The following TM9SF2 variants were observed in gnomAD, a reference collection of about 807,000 sequenced individuals.
The protein encoded by TM9SF2 is transmembrane 9 superfamily member 2.
A neutral mutation model predicts 84.9 loss-of-function variants in TM9SF2; 13 were observed. The observed-to-expected ratio is 0.15, with a 90% CI of 0.10 to 0.24. The LOEUF (loss-of-function observed/expected upper bound fraction) is 0.24. Ranked by LOEUF, TM9SF2 falls within the 10% of genes least tolerant of loss-of-function variation. The pLI, the probability that TM9SF2 is intolerant of heterozygous loss-of-function variation, is 1.00. For synonymous variants in TM9SF2, 273 were observed against 285.8 expected (o/e 0.96, Z 0.45); for missense variants, 562 against 818.5 (o/e 0.69, Z 3.82).
At chr13:99,559,973 T>C (rs1381875632) in intron 16 of TM9SF2, among the ~76,000 whole-genome samples, 1 of 152,186 alleles carries the variant, frequency 6.6e-6, no homozygotes, top group Non-Finnish European at 1.5e-5. Flanking sequence ...GGACATTCCT[T>C]AATCTAGAAG....
intron 7 of TM9SF2, 147 bp downstream of exon 7, chr13:99,539,704 C>A: frequency 1.6e-6 from 1 of 610,322 alleles, no homozygotes; most frequent in Non-Finnish European, 2.9e-6. Flanking sequence ...GTGTACCAAG[C>A]AACATAATCA....
intron 3 of TM9SF2, among the ~76,000 whole-genome samples, chr13:99,526,299 C>T (rs2139085050): frequency 6.6e-6 from 1 of 152,350 alleles, no homozygotes; most frequent in African/African-American, 2.4e-5. Context: ...CTATTTCCAG[C>T]TGTGCTGCTG....
At chr13:99,511,996 C>T (rs780693505) in intron 1 of TM9SF2, among the ~76,000 whole-genome samples, 6 of 152,128 alleles carry the variant, frequency 3.9e-5, no homozygotes, top group Admixed American at 6.6e-5. Context: ...CTTCCTTTTC[C>T]CTAGACTAGT....
At chr13:99,503,267 C>T (rs2046074420) in intron 1 of TM9SF2, among the ~76,000 whole-genome samples, 1 of 152,086 alleles carries the variant, frequency 6.6e-6, no homozygotes, top group Non-Finnish European at 1.5e-5. Flanking sequence ...AAATATATTT[C>T]CTGCCCTCTG....
chr13:99,522,385 A>G (rs1352939806), intron 3 of TM9SF2, among the ~76,000 whole-genome samples: 1 of 152,184 alleles, frequency 6.6e-6, no homozygotes, highest in African/African-American at 2.4e-5. Flanking sequence ...AAAGTTTCCT[A>G]AACACAGTAG....
intron 16 of TM9SF2, among the ~76,000 whole-genome samples, chr13:99,560,095 G>A (rs926129965): frequency 5.9e-5 from 9 of 151,794 alleles, no homozygotes; most frequent in African/African-American, 9.7e-5. Context: ...GAAAGTTTTC[G>A]GTATCTCACA....
chr13:99,562,602 T>A (rs545978319), intron 16 of TM9SF2, 89 bp from the exon 17 acceptor site: 2 of 1,324,070 alleles, frequency 1.5e-6, no homozygotes, highest in East Asian at 2.3e-5. Flanking sequence ...GCGACTTTTT[T>A]AAGGAACCAG....
At chr13:99,540,608 G>T in intron 7 of TM9SF2, 106 bp from the exon 8 acceptor site, 16 of 662,246 alleles carry the variant, frequency 2.4e-5, no homozygotes, top group Non-Finnish European at 2.7e-5. Flanking sequence ...TTTAGAAATT[G>T]CAGTTGTTGA....
At chr13:99,537,309 T>C (rs2046238905) in intron 5 of TM9SF2, among the ~76,000 whole-genome samples, 1 of 152,198 alleles carries the variant, frequency 6.6e-6, no homozygotes, top group Non-Finnish European at 1.5e-5. Context: ...TGAAACTGAT[T>C]ATATCAGTTA....
intron 3 of TM9SF2, among the ~76,000 whole-genome samples, chr13:99,524,807 C>T (rs1416123644): frequency 6.6e-6 from 1 of 151,930 alleles, no homozygotes; most frequent in Admixed American, 6.5e-5. Context: ...AAGAGATCCG[C>T]CCCCTCTCAG....
At chr13:99,501,825 T>A in intron 1 of TM9SF2, 48 bp downstream of exon 1, 25 of 1,501,508 alleles carry the variant, frequency 1.7e-5, no homozygotes, top group Non-Finnish European at 2.3e-5. Context: ...GAAGGGGAAG[T>A]CGTCCCTATC....
chr13:99,518,050 T>C (rs1038862776), intron 2 of TM9SF2, among the ~76,000 whole-genome samples: 2 of 152,232 alleles, frequency 1.3e-5, no homozygotes, highest in Non-Finnish European at 2.9e-5. Flanking sequence ...ATAAATAGTC[T>C]AATCTATATA....
chr13:99,559,592 A>C, intron 16 of TM9SF2, 58 bp downstream of exon 16: 1 of 1,447,852 alleles, frequency 6.9e-7, no homozygotes, highest in Non-Finnish European at 9.3e-7. Context: ...CAAATAACTT[A>C]TAAATGTTTG....
intron 12 of TM9SF2, among the ~76,000 whole-genome samples, chr13:99,550,669 A>C (rs1285154782): frequency 6.6e-6 from 1 of 152,248 alleles, no homozygotes; most frequent in African/African-American, 2.4e-5. Flanking sequence ...ATTTAATAAC[A>C]GGAAATCTAG....
intron 15 of TM9SF2, among the ~76,000 whole-genome samples, chr13:99,558,089 CA>C (rs2046331506): frequency 1.3e-5 from 2 of 152,350 alleles, no homozygotes; most frequent in African/African-American, 4.8e-5. Context: ...GTTCTTTCCT[CA>C]TTTAATGGTC....
rs191576381 is a variant in TM9SF2, at chr13:99,562,915, C to T, written c.*157C>T. On this transcript the variant is annotated 3_prime_UTR_variant, in exon 17 of 17. Coordinates refer to ENST00000376387, the MANE Select transcript of TM9SF2 (RefSeq NM_004800.3). ...ATAAACCTCTTCCCATACACCTTTC[C>T]CCCATAAGATGTGTCTTCAACACTA... 3.5e-4 allele frequency: 211 copies of T among 606,554 alleles called. No individual in the cohort carries two copies. The African/African-American group carries it at 3.6e-3, about 10-fold the overall frequency. The allele number at this position is 606,554 out of a possible 1,614,324, so 37.6% of individuals were successfully genotyped here.
intron 3 of TM9SF2, among the ~76,000 whole-genome samples, chr13:99,521,073 C>T (rs1784777313): frequency 6.6e-6 from 1 of 152,066 alleles, no homozygotes; most frequent in Non-Finnish European, 1.5e-5. Context: ...TATCTGTTCT[C>T]CTACTGTACA....
intron 3 of TM9SF2, among the ~76,000 whole-genome samples, chr13:99,528,265 T>G (rs1296314276): frequency 6.6e-6 from 1 of 152,228 alleles, no homozygotes; most frequent in East Asian, 1.9e-4. Flanking sequence ...TCTCCGGAGC[T>G]CAACTCACTT....
intron 4 of TM9SF2, among the ~76,000 whole-genome samples, chr13:99,534,414 C>T (rs191490315): frequency 4.6e-5 from 7 of 152,310 alleles, no homozygotes; most frequent in African/African-American, 1.7e-4. Context: ...CTGTGGGCTA[C>T]CCTCTTTGGG....
Sources: gnomAD v4.1 joint callset for allele counts (sites outside exome capture counted in the v4.1 genomes callset) on GRCh38, gnomAD v4.1.1 for gene constraint, MANE v1.5 for transcripts, NCBI Gene and HGNC (gene_info 2026-07-23, HGNC 2026-07-21) for gene names.